Variants in SFXN5 observed in about 807,000 individuals in gnomAD.
The protein encoded by SFXN5 is sideroflexin-5.
In SFXN5, 43 loss-of-function variants were observed where a neutral mutation model predicts 50.2. That is an observed-to-expected ratio of 0.86 (90% CI 0.67 to 1.11). The LOEUF (loss-of-function observed/expected upper bound fraction) is 1.11, where lower values mean the gene tolerates loss of function less well. Ranked by LOEUF, SFXN5 falls within the 50% of genes least tolerant of loss-of-function variation. SFXN5 has a pLI of 0.00. For missense variants in SFXN5, 463 were observed against 454.1 expected, an observed-to-expected ratio of 1.02 and a Z score of -0.18; for synonymous variants, 203 against 185.8, an observed-to-expected ratio of 1.09 and a Z score of -0.75.
intron 2 of SFXN5, among the ~76,000 whole-genome samples, chr2:73,041,852 G>A (rs536077477): frequency 3.9e-5 from 6 of 152,128 alleles, no homozygotes; most frequent in African/African-American, 1.4e-4. Flanking sequence ...ATACACACAC[G>A]CCACTGCATC....
chr2:73,071,425 GCCCGC>G (rs1326517274), intron 1 of SFXN5, 174 bp downstream of exon 1: 38 of 596,746 alleles, frequency 6.4e-5, no homozygotes, highest in Non-Finnish European at 1.1e-4. Flanking sequence ...GGGAGTCCGC[GCCCGC>G]CCCGTTGACC....
At position 72,950,923 on chromosome 2, in the gene SFXN5, G is replaced by T. The variant is rs1444175276; in HGVS notation, c.946-5824C>A. Among the ~76,000 whole-genome samples, 1 of 152,230 alleles carries T rather than the reference G, an allele frequency of 6.6e-6. No homozygotes were observed. The highest frequency in any genetic ancestry group is 1.5e-5 in the Non-Finnish European group (1 of 68,038). ...GGACAAGGAGTGGCCATAGGGAGAA[G>T]GGGTGGCCCAGGCCCAGGCAGCCAG... On this transcript the variant is annotated intron_variant, in intron 13 of 13. Transcript: ENST00000272433. This position sits in a 1 kb window ranked among gnomAD's most constrained non-coding sequence, Gnocchi z 4.2.
chr2:72,986,448 C>G (rs896181874), intron 10 of SFXN5, among the ~76,000 whole-genome samples: 1 of 152,030 alleles, frequency 6.6e-6, no homozygotes, highest in Admixed American at 6.6e-5. Flanking sequence ...GAAGCAGGGC[C>G]CTGTAGATGA....
chr2:73,019,878 A>C (rs558350815), intron 6 of SFXN5: 2 of 193,606 alleles, frequency 1.0e-5, no homozygotes, highest in Admixed American at 1.2e-4. Context: ...TTTCTGAATT[A>C]ATTTTAAACT....
intron 2 of SFXN5, among the ~76,000 whole-genome samples, chr2:73,048,012 T>G (rs1574228652): frequency 6.6e-6 from 1 of 152,218 alleles, no homozygotes; most frequent in East Asian, 1.9e-4. Context: ...AAACACATTT[T>G]AAAACATTTC....
rs1281619402 is a variant in SFXN5 at position 72,963,049 on chromosome 2, A to T, written c.828-1801T>A. ...GGAGTAAGGCTGAGAGGGCCCTGAG[A>T]TGAACTTCTCAAGCAAGATGAGGAG... On this transcript the variant is annotated intron_variant, in intron 12 of 13. Transcript: ENST00000272433. Among the ~76,000 whole-genome samples, 3 of 151,780 alleles carry T rather than the reference A, an allele frequency of 2.0e-5. No individual in the cohort carries two copies. In the East Asian group the frequency reaches 5.8e-4, roughly 30 times the overall value.
At chr2:72,974,374 AC>A (rs1171373068) in intron 10 of SFXN5, among the ~76,000 whole-genome samples, 1 of 152,170 alleles carries the variant, frequency 6.6e-6, no homozygotes, top group East Asian at 1.9e-4. Flanking sequence ...TTTGGTTCAA[AC>A]ACAAAACCAC....
intron 10 of SFXN5, among the ~76,000 whole-genome samples, chr2:72,978,250 A>C (rs2105499217): frequency 6.6e-6 from 1 of 151,806 alleles, no homozygotes; most frequent in East Asian, 1.9e-4. Flanking sequence ...ATGAGAAATA[A>C]ACCAGTTCAG....
chr2:73,016,699 G>C (rs1676200554), intron 6 of SFXN5, among the ~76,000 whole-genome samples: 1 of 152,144 alleles, frequency 6.6e-6, no homozygotes, highest in African/African-American at 2.4e-5. Context: ...GTGAGACTCT[G>C]TCTAAAACAA....
intron 11 of SFXN5, among the ~76,000 whole-genome samples, chr2:72,970,039 G>A (rs943069741): frequency 3.3e-5 from 5 of 152,122 alleles, no homozygotes; most frequent in Non-Finnish European, 5.9e-5. Context: ...GTCCTTCCCC[G>A]GACAGCAAAG....
chr2:72,960,584 C>G lies in SFXN5; in HGVS notation c.945+547G>C, dbSNP rs571600783. ...CAGAATCAGGCATCTGTGGTCTGCC[C>G]TGCACAGCCCTTAGGAGGACATTCA... On this transcript the variant is annotated intron_variant, in intron 13 of 13. Coordinates refer to ENST00000272433, the MANE Select transcript of SFXN5 (RefSeq NM_144579.3). This position sits in a 1 kb window ranked among gnomAD's most constrained non-coding sequence, Gnocchi z 6.1. 6.6e-6 allele frequency among the ~76,000 whole-genome samples: 1 copy of G among 152,284 alleles called. No individual in the cohort carries two copies. Among genetic ancestry groups the G allele is most frequent in the East Asian group, 1.9e-4 (1 of 5,174 alleles).
intron 10 of SFXN5, among the ~76,000 whole-genome samples, chr2:72,983,855 G>A (rs1200345344): frequency 1.3e-5 from 2 of 152,262 alleles, no homozygotes; most frequent in East Asian, 1.9e-4. Flanking sequence ...TGTGGGGCCG[G>A]CAACCCCTGG....
At chr2:72,999,116 C>T in intron 8 of SFXN5, 102 bp from the exon 9 acceptor site, 1 of 1,281,010 alleles carries the variant, frequency 7.8e-7, no homozygotes, top group South Asian at 1.3e-5. Flanking sequence ...TGCCCACCAG[C>T]CTGGAAAGTG....
chr2:72,962,146 A>C (rs1442761125), intron 12 of SFXN5, among the ~76,000 whole-genome samples: 1 of 152,186 alleles, frequency 6.6e-6, no homozygotes, highest in African/African-American at 2.4e-5. Context: ...ACAGCATTCC[A>C]CCTGGGGAGG....
At position 73,058,578 on chromosome 2, in the gene SFXN5, A is replaced by G; in HGVS notation, c.121T>C (p.Phe41Leu). Reference sequence around the variant, plus strand: ...TCGATGATATCCAAGAAGTGCCTGAAGCGGCCATAGAAGGACGTCTGAAGA... The same window carrying G: ...TCGATGATATCCAAGAAGTGCCTGAGGCGGCCATAGAAGGACGTCTGAAGA... ...RFQQTSFYGR[F>L]RHFLDIIDPR... Residue 41 changes from phenylalanine to leucine, a missense_variant, in exon 2 of 14, where the codon TTC becomes CTC. Physicochemically the swap from Phe to Leu is conservative, Grantham distance 22. Coordinates refer to ENST00000272433, the MANE Select transcript of SFXN5 (RefSeq NM_144579.3). 2 of 1,614,104 alleles carry G rather than the reference A, an allele frequency of 1.2e-6. No individual in the cohort carries two copies. Among genetic ancestry groups the G allele is most frequent in the Non-Finnish European group, 1.7e-6 (2 of 1,179,978 alleles).
chr2:73,045,374 A>G (rs544388092), intron 2 of SFXN5, among the ~76,000 whole-genome samples: 17 of 152,304 alleles, frequency 1.1e-4, no homozygotes, highest in African/African-American at 3.8e-4. Context: ...GTGCACCCCA[A>G]GTAAAAAAAT....
At chr2:73,061,618 A>C (rs543614680) in intron 1 of SFXN5, among the ~76,000 whole-genome samples, 1 of 152,298 alleles carries the variant, frequency 6.6e-6, no homozygotes, top group African/African-American at 2.4e-5. Context: ...TGTAAGACTA[A>C]AAGTGTTTCA....
intron 13 of SFXN5, among the ~76,000 whole-genome samples, chr2:72,958,592 ACT>A (rs1038909236): frequency 3.9e-5 from 6 of 152,162 alleles, no homozygotes; most frequent in African/African-American, 1.4e-4. Flanking sequence ...CACATGGGTG[ACT>A]CTGGCCCTGG....
intron 6 of SFXN5, 171 bp downstream of exon 6, chr2:73,020,068 C>A (rs1254338841): frequency 1.3e-5 from 8 of 615,016 alleles, no homozygotes; most frequent in Non-Finnish European, 2.2e-5. Flanking sequence ...GTTTGCCAAT[C>A]AGCATCAAGA....
Sources: allele counts gnomAD v4.1 joint callset (sites outside exome capture counted in the v4.1 genomes callset), GRCh38; gene constraint gnomAD v4.1.1; non-coding constraint Gnocchi (gnomAD v3.1); transcripts MANE v1.5; gene names NCBI Gene and HGNC (gene_info 2026-07-23, HGNC 2026-07-21).